Variants in RFX3 observed in about 807,000 individuals in gnomAD.
RFX3 encodes the protein transcription factor RFX3.
RFX3 carries 14 observed loss-of-function variants against 98.6 expected under a neutral mutation model. That is an observed-to-expected ratio of 0.14 (90% CI 0.09 to 0.22). The LOEUF is 0.22. RFX3 is among the 10% of genes least tolerant of loss of function. RFX3 has a pLI of 1.00. For missense variants in RFX3, 639 were observed against 926.9 expected, an observed-to-expected ratio of 0.69 and a Z score of 4.03; for synonymous variants, 383 against 328.4, an observed-to-expected ratio of 1.17 and a Z score of -1.80.
At chr9:3,404,883 C>G (rs1369382333) in intron 1 of RFX3, among the ~76,000 whole-genome samples, 1 of 152,146 alleles carries the variant, frequency 6.6e-6, no homozygotes, top group Non-Finnish European at 1.5e-5. Flanking sequence ...GAAGAGTTAT[C>G]TACAGTCACT....
chr9:3,284,552 G>T (rs1372832709), intron 7 of RFX3, among the ~76,000 whole-genome samples: 2 of 151,500 alleles, frequency 1.3e-5, no homozygotes, highest in African/African-American at 4.8e-5. Context: ...TACCCATAAT[G>T]CCATCAATAT....
intron 15 of RFX3, 54 bp downstream of exon 15, chr9:3,247,978 T>C (rs781212495): frequency 6.8e-6 from 11 of 1,613,922 alleles, no homozygotes; most frequent in Non-Finnish European, 9.3e-6. Flanking sequence ...TGAAGTGTAA[T>C]TCTGGCTTAT....
intron 5 of RFX3, among the ~76,000 whole-genome samples, chr9:3,296,954 C>T (rs752452455): frequency 2.0e-5 from 3 of 152,182 alleles, no homozygotes; most frequent in South Asian, 2.1e-4. Context: ...TTAACTTTTA[C>T]GTTTTGACAC....
intron 15 of RFX3, among the ~76,000 whole-genome samples, chr9:3,235,119 T>G (rs1456473644): frequency 6.6e-6 from 1 of 152,208 alleles, no homozygotes; most frequent in Non-Finnish European, 1.5e-5. Flanking sequence ...AAGATTTCAT[T>G]AAAGTTTGCA....
chr9:3,234,020 A>T (rs1311266132), intron 15 of RFX3, among the ~76,000 whole-genome samples: 1 of 152,220 alleles, frequency 6.6e-6, no homozygotes, highest in Non-Finnish European at 1.5e-5. Context: ...CCCTGTTAGT[A>T]TATCCAGATT....
At chr9:3,418,041 G>A (rs1271968875) in intron 1 of RFX3, among the ~76,000 whole-genome samples, 3 of 152,118 alleles carry the variant, frequency 2.0e-5, no homozygotes, top group Admixed American at 6.5e-5. Context: ...TGAGCATTCT[G>A]TGCTTTATTT....
At chr9:3,416,063 G>C (rs1274456696) in intron 1 of RFX3, among the ~76,000 whole-genome samples, 1 of 152,218 alleles carries the variant, frequency 6.6e-6, no homozygotes, top group Non-Finnish European at 1.5e-5. Context: ...AGTCTGCAGA[G>C]ATAATTTACT....
intron 1 of RFX3, among the ~76,000 whole-genome samples, chr9:3,483,190 C>T (rs1209255457): frequency 6.6e-6 from 1 of 152,076 alleles, no homozygotes; most frequent in Non-Finnish European, 1.5e-5. Flanking sequence ...CACCACTACC[C>T]GACCCCCAAA....
intron 1 of RFX3, among the ~76,000 whole-genome samples, chr9:3,463,695 G>A (rs1168131567): frequency 2.0e-5 from 3 of 152,152 alleles, no homozygotes; most frequent in African/African-American, 7.2e-5. Flanking sequence ...TAGGGGCTGG[G>A]CACTGGGGCT....
At chr9:3,473,102 T>C (rs1193392802) in intron 1 of RFX3, among the ~76,000 whole-genome samples, 1 of 152,188 alleles carries the variant, frequency 6.6e-6, no homozygotes, top group Non-Finnish European at 1.5e-5. Context: ...CTGGATCGAC[T>C]TATATATCCC....
At chr9:3,233,041 T>C (rs1403750135) in intron 15 of RFX3, among the ~76,000 whole-genome samples, 1 of 152,174 alleles carries the variant, frequency 6.6e-6, no homozygotes, top group East Asian at 1.9e-4. Flanking sequence ...AGCATGTCTA[T>C]TGTTTGAGAG....
chr9:3,452,149 G>T (rs1001820872), intron 1 of RFX3, among the ~76,000 whole-genome samples: 3 of 150,334 alleles, frequency 2.0e-5, no homozygotes, highest in Non-Finnish European at 4.4e-5. Flanking sequence ...TAATGCTGAC[G>T]CCCTATCTGA....
intron 1 of RFX3, among the ~76,000 whole-genome samples, chr9:3,495,520 T>G (rs1851045726): frequency 6.6e-6 from 1 of 152,106 alleles, no homozygotes. Flanking sequence ...AATGGCTTAA[T>G]AATATGCACA....
rs567326087 is a variant in RFX3, at chr9:3,414,866, GTA to G, written c.-8-19272_-8-19271del. Among the ~76,000 whole-genome samples the G allele has an allele frequency of 1.1e-3, 153 of 133,462 alleles. 1 individual carries two copies. Among genetic ancestry groups the G allele is most frequent in the African/African-American group, 3.9e-3 (138 of 35,208 alleles). 87.6% of individuals were successfully genotyped at this position (133,462 alleles called of 152,430 possible). On this transcript the variant is annotated intron_variant, in intron 1 of 16. Coordinates refer to ENST00000617270, the MANE Select transcript of RFX3 (RefSeq NM_001282116.2). Reference sequence around the variant, plus strand: ...TATATAAGTATATATGAGTATATATGTATATATATGAGTATATATAAGTATAT... The same window carrying G: ...TATATAAGTATATATGAGTATATATGTATATATGAGTATATATAAGTATAT...
chr9:3,332,017 C>T (rs1832658677), intron 3 of RFX3, among the ~76,000 whole-genome samples: 2 of 152,142 alleles, frequency 1.3e-5, no homozygotes, highest in South Asian at 4.1e-4. Flanking sequence ...GAGGGCAGCA[C>T]CACCATCCTC....
intron 15 of RFX3, among the ~76,000 whole-genome samples, chr9:3,238,626 C>T (rs906739291): frequency 6.6e-6 from 1 of 152,156 alleles, no homozygotes; most frequent in South Asian, 2.1e-4. Context: ...TGACTCAATG[C>T]TTCTCTTTTC....
intron 15 of RFX3, among the ~76,000 whole-genome samples, chr9:3,242,735 C>A (rs990799369): frequency 6.6e-6 from 1 of 151,884 alleles, no homozygotes; most frequent in East Asian, 1.9e-4. Context: ...CTGAGTATAT[C>A]AATTTTGATG....
chr9:3,332,216 GA>G (rs886559436), intron 3 of RFX3, among the ~76,000 whole-genome samples: 173 of 152,166 alleles, frequency 1.1e-3, no homozygotes, highest in African/African-American at 4.0e-3. Context: ...AAGTGTTTTG[GA>G]TTTTGGATTT....
intron 3 of RFX3, among the ~76,000 whole-genome samples, chr9:3,346,038 C>T (rs747046553): frequency 7.2e-5 from 11 of 152,100 alleles, no homozygotes; most frequent in East Asian, 3.8e-4. Context: ...ACAATCCTTG[C>T]GACTTACAAT....
Sources: gnomAD v4.1 joint callset for allele counts (sites outside exome capture counted in the v4.1 genomes callset) on GRCh38, gnomAD v4.1.1 for gene constraint, MANE v1.5 for transcripts, NCBI Gene and HGNC (gene_info 2026-07-23, HGNC 2026-07-21) for gene names.